Variants in GMDS observed in about 807,000 individuals in gnomAD.
GMDS encodes GDP-mannose 4,6-dehydratase.
GMDS carries 20 observed loss-of-function variants against 49.9 expected under a neutral mutation model. The ratio of observed to expected loss-of-function variants is 0.40; its 90% CI spans 0.28 to 0.58. The LOEUF (loss-of-function observed/expected upper bound fraction) is 0.58. GMDS is among the 20% of genes least tolerant of loss of function. The probability of loss-of-function intolerance (pLI) is 0.42; values close to 1 mark genes in which losing one functional copy is unlikely to be tolerated. For synonymous variants in GMDS, 177 were observed against 178.6 expected (o/e 0.99, Z 0.07); for missense variants, 362 against 481.4 (o/e 0.75, Z 2.32).
chr6:2,171,949 A>G (rs1167346435), intron 1 of GMDS, among the ~76,000 whole-genome samples: 1 of 152,224 alleles, frequency 6.6e-6, no homozygotes, highest in Non-Finnish European at 1.5e-5. Flanking sequence ...AATGGCAGAG[A>G]AACAACTCAC....
At chr6:1,940,527 G>C (rs1194758617) in intron 6 of GMDS, among the ~76,000 whole-genome samples, 1 of 152,192 alleles carries the variant, frequency 6.6e-6, no homozygotes, top group Non-Finnish European at 1.5e-5. Context: ...GAAGGTCATG[G>C]CTGACTGAGC....
intron 9 of GMDS, among the ~76,000 whole-genome samples, chr6:1,718,416 CCT>C (rs1287986059): frequency 2.0e-5 from 3 of 152,172 alleles, no homozygotes; most frequent in Admixed American, 6.5e-5. Context: ...CATGGTTCAG[CCT>C]CTGTCCTGGG....
chr6:1,678,149 C>T (rs1265109818), intron 9 of GMDS, among the ~76,000 whole-genome samples: 2 of 151,982 alleles, frequency 1.3e-5, no homozygotes, highest in African/African-American at 2.4e-5. Flanking sequence ...CCACAACTTG[C>T]GTGAGTTTTA....
rs576483894 is a variant in GMDS, at chr6:2,136,479, A to C, written c.103-11748T>G. Among the ~76,000 whole-genome samples the C allele has an allele frequency of 1.6e-4, 24 of 152,368 alleles. No individual in the cohort carries two copies. The East Asian group carries it at 3.7e-3, about 23-fold the overall frequency. ...TTCCTATAATTCCAGCACTTTGGGA[A>C]GCCAAACCAAAGCCAAAGTATGGCT... On this transcript the variant is annotated intron_variant, in intron 1 of 10. Transcript: ENST00000380815.
intron 9 of GMDS, among the ~76,000 whole-genome samples, chr6:1,644,034 C>A (rs2113192440): frequency 6.6e-6 from 1 of 152,262 alleles, no homozygotes; most frequent in East Asian, 1.9e-4. Flanking sequence ...CCCCTCTGAG[C>A]CCCAGGGCCC....
chr6:2,105,992 C>G (rs968760635), intron 4 of GMDS, among the ~76,000 whole-genome samples: 1 of 152,144 alleles, frequency 6.6e-6, no homozygotes, highest in African/African-American at 2.4e-5. Context: ...AAACTGTTAA[C>G]GGAGCTGTAA....
At chr6:1,770,849 A>G (rs185932919) in intron 7 of GMDS, among the ~76,000 whole-genome samples, 8 of 152,372 alleles carry the variant, frequency 5.3e-5, no homozygotes, top group African/African-American at 1.9e-4. Context: ...TTTTAAAATG[A>G]TGATCCAATA....
chr6:2,148,376 ATC>A (rs1442159518), intron 1 of GMDS, among the ~76,000 whole-genome samples: 2 of 152,090 alleles, frequency 1.3e-5, no homozygotes, highest in Admixed American at 6.6e-5. Context: ...GCATTCTCTG[ATC>A]TCTGAGTTTG....
intron 4 of GMDS, among the ~76,000 whole-genome samples, chr6:1,973,079 C>T (rs1764708406): frequency 1.3e-5 from 2 of 152,092 alleles, no homozygotes; most frequent in Admixed American, 1.3e-4. Context: ...TCTCTCTTAC[C>T]ACCTATATCC....
intron 1 of GMDS, chr6:2,176,010 G>C: frequency 6.5e-7 from 1 of 1,533,876 alleles, no homozygotes; most frequent in Non-Finnish European, 8.7e-7. Context: ...TCACACAAAA[G>C]TGCCTCAGAG....
At chr6:2,018,915 A>AT (rs1768077181) in intron 4 of GMDS, among the ~76,000 whole-genome samples, 1 of 152,008 alleles carries the variant, frequency 6.6e-6, no homozygotes, top group Non-Finnish European at 1.5e-5. Flanking sequence ...CTGCCCATCT[A>AT]TTTTTTAAAG....
At chr6:1,976,299 C>G (rs900553529) in intron 4 of GMDS, among the ~76,000 whole-genome samples, 1 of 152,206 alleles carries the variant, frequency 6.6e-6, no homozygotes, top group African/African-American at 2.4e-5. Context: ...GGAGGCCAAT[C>G]TCTTGAGAAG....
intron 1 of GMDS, among the ~76,000 whole-genome samples, chr6:2,208,809 C>T (rs565656950): frequency 1.1e-4 from 17 of 149,896 alleles, no homozygotes; most frequent in East Asian, 5.8e-4. Flanking sequence ...TTTTGCTAAA[C>T]GATTATCACT....
At chr6:2,042,896 C>T (rs1769769682) in intron 4 of GMDS, among the ~76,000 whole-genome samples, 1 of 152,106 alleles carries the variant, frequency 6.6e-6, no homozygotes, top group African/African-American at 2.4e-5. Context: ...TCACAAACAC[C>T]CTCCAAAATG....
chr6:1,796,023 G>A (rs1432221209), intron 7 of GMDS, among the ~76,000 whole-genome samples: 1 of 152,186 alleles, frequency 6.6e-6, no homozygotes, highest in African/African-American at 2.4e-5. Flanking sequence ...AAGAGAAAGT[G>A]GTAACCAGAG....
rs372058511 is a variant in GMDS, at chr6:1,807,698, G to A, written c.772-65112C>T. Among the ~76,000 whole-genome samples, 49 of 152,340 alleles carry A rather than the reference G, an allele frequency of 3.2e-4. 1 individual carries two copies. In the South Asian group the frequency reaches 1.0e-2, roughly 31 times the overall value. The stretch of plus-strand genomic sequence containing the variant: ...GATTCCAGAGCAACTGGATGTCCAT[G>A]TGGAAAGTAATTAATCTCCATCCCT... On this transcript the variant is annotated intron_variant, in intron 7 of 10. Transcript: ENST00000380815.
At chr6:1,975,370 C>G (rs1317372195) in intron 4 of GMDS, among the ~76,000 whole-genome samples, 2 of 152,200 alleles carry the variant, frequency 1.3e-5, no homozygotes, top group African/African-American at 4.8e-5. Context: ...AGCAGTAACA[C>G]TGACTCTGGG....
At chr6:2,190,309 T>G (rs1778956691) in intron 1 of GMDS, among the ~76,000 whole-genome samples, 1 of 152,220 alleles carries the variant, frequency 6.6e-6, no homozygotes, top group Non-Finnish European at 1.5e-5. Context: ...TTCTCACTTT[T>G]GTTTAAAAAA....
intron 2 of GMDS, among the ~76,000 whole-genome samples, chr6:2,119,309 AC>A (rs1343155128): frequency 6.6e-6 from 1 of 152,212 alleles, no homozygotes; most frequent in Non-Finnish European, 1.5e-5. Context: ...TAAAATGCAG[AC>A]AACTATACAA....
Sources: gnomAD v4.1 joint callset for allele counts (sites outside exome capture counted in the v4.1 genomes callset) on GRCh38, gnomAD v4.1.1 for gene constraint, MANE v1.5 for transcripts, NCBI Gene and HGNC (gene_info 2026-07-23, HGNC 2026-07-21) for gene names.